AGK: variants seen among roughly 807,000 people sequenced by gnomAD.
The protein encoded by AGK is acylglycerol kinase, mitochondrial.
A neutral mutation model predicts 66.4 loss-of-function variants in AGK; 52 were observed. That is an observed-to-expected ratio of 0.78 (90% CI 0.63 to 0.99). The LOEUF (loss-of-function observed/expected upper bound fraction) is 0.99. Among genes scored for constraint, AGK ranks in the 50% least tolerant of loss-of-function variants. The pLI is 0.00. For synonymous variants in AGK, 182 were observed against 181.1 expected, an observed-to-expected ratio of 1.00 and a Z score of -0.04; for missense variants, 451 against 506.6, an observed-to-expected ratio of 0.89 and a Z score of 1.05.
chr7:141,644,971 CTT>C (rs1797378286), intron 13 of AGK, among the ~76,000 whole-genome samples: 1 of 151,614 alleles, frequency 6.6e-6, no homozygotes, highest in African/African-American at 2.4e-5. Context: ...CTCTGCTTCT[CTT>C]ATTATAGTTT....
chr7:141,627,601 T>G (rs1796967535), intron 9 of AGK, among the ~76,000 whole-genome samples: 1 of 152,196 alleles, frequency 6.6e-6, no homozygotes, highest in Non-Finnish European at 1.5e-5. Context: ...CTCTTCACCA[T>G]GACCTCACTG....
At chr7:141,560,795 C>CTTTTTTTTTT (rs71172604) in intron 2 of AGK, among the ~76,000 whole-genome samples, 1 of 124,012 alleles carries the variant, frequency 8.1e-6, no homozygotes. Context: ...GCCATTCTTT[C>CTTTTTTTTTT]TTTTTTTTTT....
chr7:141,583,734 T>A (rs578009185), intron 2 of AGK, among the ~76,000 whole-genome samples: 1 of 152,046 alleles, frequency 6.6e-6, no homozygotes, highest in Admixed American at 6.5e-5. Flanking sequence ...GCCGGAGTTT[T>A]GGGTTCACGG....
intron 2 of AGK, among the ~76,000 whole-genome samples, chr7:141,584,651 A>G (rs965685629): frequency 6.6e-6 from 1 of 152,258 alleles, no homozygotes; most frequent in African/African-American, 2.4e-5. Context: ...TGACCTAAAA[A>G]TTCCTGAACA....
At chr7:141,586,042 G>T (rs1479329285) in intron 2 of AGK, among the ~76,000 whole-genome samples, 2 of 152,036 alleles carry the variant, frequency 1.3e-5, no homozygotes, top group African/African-American at 4.8e-5. Context: ...GAGGTCTTCA[G>T]TTCACATTCA....
chr7:141,609,469 C>A (rs1796533164), intron 5 of AGK, among the ~76,000 whole-genome samples: 1 of 152,156 alleles, frequency 6.6e-6, no homozygotes, highest in Non-Finnish European at 1.5e-5. Flanking sequence ...TACTCGGGAA[C>A]AACAAATGGA....
intron 2 of AGK, among the ~76,000 whole-genome samples, chr7:141,585,698 TAATA>T (rs1015181285): frequency 6.6e-6 from 1 of 152,186 alleles, no homozygotes; most frequent in African/African-American, 2.4e-5. Flanking sequence ...AGTCCTAAAG[TAATA>T]AATAAAACAT....
At chr7:141,619,100 C>T (rs1240528959) in intron 8 of AGK, among the ~76,000 whole-genome samples, 1 of 152,004 alleles carries the variant, frequency 6.6e-6, no homozygotes, top group East Asian at 1.9e-4. Context: ...TGTGAGGCTT[C>T]GTACTGAGAT....
At chr7:141,568,068 C>G (rs1187692407) in intron 2 of AGK, among the ~76,000 whole-genome samples, 1 of 152,128 alleles carries the variant, frequency 6.6e-6, no homozygotes, top group Non-Finnish European at 1.5e-5. Flanking sequence ...ATACTCAGCC[C>G]TGTGGAAGTT....
chr7:141,573,830 T>TTTA (rs1795669068), intron 2 of AGK, among the ~76,000 whole-genome samples: 1 of 152,154 alleles, frequency 6.6e-6, no homozygotes, highest in Admixed American at 6.5e-5. Flanking sequence ...CTCCTTTTTC[T>TTTA]TTATTATTAT....
At chr7:141,563,951 A>G (rs1435174780) in intron 2 of AGK, among the ~76,000 whole-genome samples, 1 of 152,072 alleles carries the variant, frequency 6.6e-6, no homozygotes, top group African/African-American at 2.4e-5. Flanking sequence ...TCACAACTAA[A>G]GGTTTGTTTC....
chr7:141,644,387 CATTT>C (rs1467599517), intron 13 of AGK, among the ~76,000 whole-genome samples: 3 of 152,136 alleles, frequency 2.0e-5, no homozygotes, highest in Non-Finnish European at 2.9e-5. Context: ...GCAGCAAATT[CATTT>C]GTTTCGTTTT....
chr7:141,614,012 C>T, intron 6 of AGK, 134 bp from the exon 7 acceptor site: 2 of 619,238 alleles, frequency 3.2e-6, no homozygotes, highest in Non-Finnish European at 5.6e-6. Context: ...GTTTTAAGAT[C>T]CAGTGCATCT....
chr7:141,609,321 C>T (rs186798783), intron 5 of AGK, among the ~76,000 whole-genome samples: 1 of 152,304 alleles, frequency 6.6e-6, no homozygotes, highest in African/African-American at 2.4e-5. Flanking sequence ...GCGCCAGTCT[C>T]ACATCTTGGG....
At chr7:141,561,699 T>C (rs1426845153) in intron 2 of AGK, among the ~76,000 whole-genome samples, 2 of 152,046 alleles carry the variant, frequency 1.3e-5, no homozygotes, top group Admixed American at 1.3e-4. Context: ...AGGCCCTATG[T>C]GATCACAGAG....
At chr7:141,617,309 G>A (rs1796728402) in intron 8 of AGK, among the ~76,000 whole-genome samples, 1 of 152,158 alleles carries the variant, frequency 6.6e-6, no homozygotes, top group Non-Finnish European at 1.5e-5. Context: ...CAGGGTCTGA[G>A]AGAGTCTTCA....
At chr7:141,567,543 A>G (rs114919585) in intron 2 of AGK, among the ~76,000 whole-genome samples, 2,060 of 152,258 alleles carry the variant, frequency 0.014, 62 homozygotes, top group African/African-American at 0.046. Flanking sequence ...TCCCCTCAGC[A>G]GGTTGCAGCA....
chr7:141,624,015 T>C (rs1796882497), intron 9 of AGK, among the ~76,000 whole-genome samples: 1 of 152,100 alleles, frequency 6.6e-6, no homozygotes, highest in Admixed American at 6.6e-5. Context: ...TACATCTGTT[T>C]ACAGCATAGT....
intron 2 of AGK, among the ~76,000 whole-genome samples, chr7:141,570,983 G>A (rs565646952): frequency 6.6e-6 from 1 of 152,140 alleles, no homozygotes; most frequent in Admixed American, 6.5e-5. Context: ...TCATACCCTC[G>A]ACTGGGCAGA....
Sources: allele counts gnomAD v4.1 joint callset (sites outside exome capture counted in the v4.1 genomes callset), GRCh38; gene constraint gnomAD v4.1.1; transcripts MANE v1.5; gene names NCBI Gene and HGNC (gene_info 2026-07-23, HGNC 2026-07-21).